Variants in FANK1 observed in about 807,000 individuals in gnomAD.
FANK1 encodes the protein fibronectin type III and ankyrin repeat domains 1.
In FANK1, 44 loss-of-function variants were observed where a neutral mutation model predicts 45.3. The ratio of observed to expected loss-of-function variants is 0.97; its 90% CI spans 0.76 to 1.25. FANK1 has a LOEUF of 1.25. Ranked by LOEUF, FANK1 falls within the 50% of genes most tolerant of loss-of-function variation. FANK1 has a pLI of 0.00. For missense variants in FANK1, 391 were observed against 424.4 expected (o/e 0.92, Z 0.69); for synonymous variants, 149 against 152.5 (o/e 0.98, Z 0.17).
intron 1 of FANK1, among the ~76,000 whole-genome samples, chr10:125,926,388 C>T (rs1410973761): frequency 6.6e-6 from 1 of 152,388 alleles, no homozygotes; most frequent in African/African-American, 2.4e-5. Flanking sequence ...CCATCACCAT[C>T]GTCAAGATAC....
intron 1 of FANK1, among the ~76,000 whole-genome samples, chr10:125,949,077 G>C (rs1380449920): frequency 6.6e-6 from 1 of 151,340 alleles, no homozygotes; most frequent in Non-Finnish European, 1.5e-5. Flanking sequence ...AACCCTTCAT[G>C]CTAAAAACTC....
intron 1 of FANK1, among the ~76,000 whole-genome samples, chr10:125,940,697 G>A (rs1457303916): frequency 2.6e-5 from 4 of 151,976 alleles, no homozygotes; most frequent in Non-Finnish European, 5.9e-5. Flanking sequence ...CTTTCCCTTC[G>A]CACGAGGCCA....
intron 1 of FANK1, among the ~76,000 whole-genome samples, chr10:125,951,214 A>C (rs1383812136): frequency 6.6e-6 from 1 of 150,728 alleles, no homozygotes; most frequent in Non-Finnish European, 1.5e-5. Context: ...CAATGTGCAC[A>C]TGTACCCTAA....
At chr10:125,921,659 C>G (rs1946953716) in intron 1 of FANK1, among the ~76,000 whole-genome samples, 2 of 152,062 alleles carry the variant, frequency 1.3e-5, no homozygotes, top group African/African-American at 2.4e-5. Context: ...TTCAAGCTGT[C>G]TGTTTCTTCT....
chr10:125,930,421 C>T (rs1252871859), intron 1 of FANK1, among the ~76,000 whole-genome samples: 1 of 152,046 alleles, frequency 6.6e-6, no homozygotes, highest in African/African-American at 2.4e-5. Context: ...ACTGCAGCCT[C>T]AACCTCCCTG....
At chr10:125,994,418 G>A in intron 3 of FANK1, 11 of 985,204 alleles carry the variant, frequency 1.1e-5, no homozygotes, top group Non-Finnish European at 1.2e-5. Context: ...GGTTTTTTTA[G>A]ACCAGGGATT....
At chr10:125,931,320 T>A (rs1047293507) in intron 1 of FANK1, among the ~76,000 whole-genome samples, 2 of 152,234 alleles carry the variant, frequency 1.3e-5, no homozygotes, top group South Asian at 4.1e-4. Flanking sequence ...TGTACTAGTT[T>A]ACATTTCCAT....
intron 1 of FANK1, among the ~76,000 whole-genome samples, chr10:125,910,506 AC>A (rs1323559234): frequency 2.0e-5 from 3 of 152,062 alleles, no homozygotes; most frequent in Non-Finnish European, 4.4e-5. Flanking sequence ...GATAGTTTAA[AC>A]CTTGTATATA....
At chr10:125,943,902 G>A (rs1209857108) in intron 1 of FANK1, among the ~76,000 whole-genome samples, 1 of 152,234 alleles carries the variant, frequency 6.6e-6, no homozygotes, top group African/African-American at 2.4e-5. Context: ...ATAACTAAGT[G>A]ATAAAGCGAA....
At chr10:125,938,096 C>T (rs552761153) in intron 1 of FANK1, among the ~76,000 whole-genome samples, 7 of 152,212 alleles carry the variant, frequency 4.6e-5, no homozygotes, top group African/African-American at 1.7e-4. Context: ...CCGTAAAGGC[C>T]TACTGAACAT....
At chr10:126,008,001 T>C (rs1996252) in intron 7 of FANK1, among the ~76,000 whole-genome samples, 94,899 of 151,978 alleles carry the variant, frequency 0.62, 30,405 homozygotes, top group East Asian at 0.77. Flanking sequence ...AATTGATAAG[T>C]ATTAGTAAGT....
intron 1 of FANK1, among the ~76,000 whole-genome samples, chr10:125,932,723 G>T (rs1300228850): frequency 6.6e-6 from 1 of 152,122 alleles, no homozygotes; most frequent in Non-Finnish European, 1.5e-5. Context: ...TGATTTCTCT[G>T]GGTAGGACTT....
chr10:125,898,111 C>T (rs76866285), intron 1 of FANK1, among the ~76,000 whole-genome samples: 2 of 150,346 alleles, frequency 1.3e-5, no homozygotes, highest in Non-Finnish European at 2.9e-5. Flanking sequence ...CGCTTGAACC[C>T]GGGAGGCGGA....
At chr10:125,948,063 C>G (rs1234765895) in intron 1 of FANK1, among the ~76,000 whole-genome samples, 1 of 148,386 alleles carries the variant, frequency 6.7e-6, no homozygotes, top group Non-Finnish European at 1.5e-5. Flanking sequence ...TCTTTGAAAC[C>G]AACGAGAACA....
intron 2 of FANK1, among the ~76,000 whole-genome samples, chr10:125,984,402 G>A (rs1396576380): frequency 6.6e-6 from 1 of 152,192 alleles, no homozygotes; most frequent in Non-Finnish European, 1.5e-5. Flanking sequence ...TCAACAGGGC[G>A]GGGAGGTAGA....
chr10:125,898,986 T>G (rs1944813476), intron 1 of FANK1, among the ~76,000 whole-genome samples: 2 of 151,396 alleles, frequency 1.3e-5, no homozygotes, highest in African/African-American at 4.9e-5. Flanking sequence ...CCTCGAACTC[T>G]TGGACTCAAG....
chr10:125,921,039 G>A (rs4108261), intron 1 of FANK1, among the ~76,000 whole-genome samples: 2 of 152,146 alleles, frequency 1.3e-5, no homozygotes, highest in South Asian at 4.1e-4. Flanking sequence ...AGTTGACTTA[G>A]CAGCCTTCAC....
chr10:126,009,197 A>G, intron 9 of FANK1, 25 bp from the exon 10 acceptor site: 1 of 1,614,158 alleles, frequency 6.2e-7, no homozygotes, highest in South Asian at 1.1e-5. Context: ...TAAGCATGTA[A>G]AATTTTTGTT....
intron 1 of FANK1, among the ~76,000 whole-genome samples, chr10:125,954,006 G>C (rs998378125): frequency 6.9e-6 from 1 of 145,782 alleles, no homozygotes; most frequent in South Asian, 2.2e-4. Context: ...GTCACCATGA[G>C]AGCACACCGA....
Sources: allele counts gnomAD v4.1 joint callset (sites outside exome capture counted in the v4.1 genomes callset), GRCh38; gene constraint gnomAD v4.1.1; transcripts MANE v1.5; gene names NCBI Gene and HGNC (gene_info 2026-07-23, HGNC 2026-07-21).